Variants in NPSR1 observed in about 807,000 individuals in gnomAD.
The protein encoded by NPSR1 is neuropeptide S receptor 1.
NPSR1 carries 48 observed loss-of-function variants against 46.9 expected under a neutral mutation model. The ratio of observed to expected loss-of-function variants is 1.02; its 90% confidence interval spans 0.81 to 1.30. The LOEUF (loss-of-function observed/expected upper bound fraction) is 1.30, where lower values mean the gene tolerates loss of function less well. NPSR1 is among the 50% of genes most tolerant of loss of function. The pLI is 0.00. For synonymous variants in NPSR1, 176 were observed against 168.1 expected (o/e 1.05, Z -0.36); for missense variants, 450 against 449.5 (o/e 1.00, Z -0.01).
At chr7:34,821,210 C>G (rs546028147) in intron 4 of NPSR1, among the ~76,000 whole-genome samples, 1 of 146,240 alleles carries the variant, frequency 6.8e-6, no homozygotes, top group Admixed American at 6.9e-5. Flanking sequence ...TCTCAGCTCA[C>G]TGCAACTTCT....
At chr7:34,713,209 C>A (rs1021429259) in intron 2 of NPSR1, among the ~76,000 whole-genome samples, 4 of 152,146 alleles carry the variant, frequency 2.6e-5, no homozygotes, top group Non-Finnish European at 5.9e-5. Context: ...CCTGGAGGAA[C>A]AATAGAATAC....
chr7:34,849,473 C>T (rs940202719), intron 8 of NPSR1, 92 bp from the exon 9 acceptor site: 4 of 1,602,358 alleles, frequency 2.5e-6, no homozygotes, highest in Non-Finnish European at 3.4e-6. Context: ...ACATTTAATA[C>T]ATTTTTCATA....
intron 1 of NPSR1, among the ~76,000 whole-genome samples, chr7:34,662,900 AC>A (rs1394837368): frequency 1.3e-5 from 2 of 152,210 alleles, no homozygotes; most frequent in Non-Finnish European, 2.9e-5. Context: ...CATTACTAAT[AC>A]ATTTGATGGC....
At chr7:34,791,100 TATA>T (rs369323576) in intron 3 of NPSR1, among the ~76,000 whole-genome samples, 5,948 of 117,062 alleles carry the variant, frequency 0.051, 705 homozygotes, top group African/African-American at 0.18. Flanking sequence ...ATATATTATA[TATA>T]ATATGTTATA....
At chr7:34,784,066 T>C (rs1051102316) in intron 3 of NPSR1, among the ~76,000 whole-genome samples, 11 of 152,098 alleles carry the variant, frequency 7.2e-5, no homozygotes, top group African/African-American at 2.7e-4. Context: ...CATGAAAATA[T>C]ATAAAAGTGA....
exon 9 of NPSR1, chr7:34,878,087 T>C (rs201747549): frequency 4.4e-6 from 7 of 1,606,852 alleles, no homozygotes; most frequent in Non-Finnish European, 1.7e-6. Flanking sequence ...GTCATCCGTC[T>C]CCGTCAGCTC....
At chr7:34,742,880 T>C (rs1382886763) in intron 2 of NPSR1, among the ~76,000 whole-genome samples, 1 of 152,214 alleles carries the variant, frequency 6.6e-6, no homozygotes, top group Non-Finnish European at 1.5e-5. Context: ...TTCACTGTGA[T>C]TTTGATTTGT....
intron 2 of NPSR1, among the ~76,000 whole-genome samples, chr7:34,725,421 G>A (rs1016000485): frequency 1.3e-5 from 2 of 152,170 alleles, no homozygotes; most frequent in Non-Finnish European, 2.9e-5. Flanking sequence ...GGTAAGTGTT[G>A]GTTTTGAGAC....
At chr7:34,798,937 T>C (rs778109102) in intron 3 of NPSR1, among the ~76,000 whole-genome samples, 9 of 152,178 alleles carry the variant, frequency 5.9e-5, no homozygotes, top group Middle Eastern at 3.2e-3. Context: ...CATCATAGTT[T>C]GTAGGATGCA....
At chr7:34,669,325 G>A (rs1363567672) in intron 1 of NPSR1, among the ~76,000 whole-genome samples, 1 of 152,210 alleles carries the variant, frequency 6.6e-6, no homozygotes, top group Non-Finnish European at 1.5e-5. Flanking sequence ...CACTTTGGGA[G>A]ATCAAAGCGG....
At chr7:34,779,672 T>C (rs1206329253) in intron 3 of NPSR1, 1 of 831,572 alleles carries the variant, frequency 1.2e-6, no homozygotes, top group Non-Finnish European at 1.6e-6. Context: ...GTACGGCTAG[T>C]ATTTTCTCAG....
chr7:34,730,240 T>G (rs10240801), intron 2 of NPSR1, among the ~76,000 whole-genome samples: 163 of 152,362 alleles, frequency 1.1e-3, no homozygotes, highest in African/African-American at 3.8e-3. Context: ...ACCTAGGATT[T>G]TTTTAAGTGC....
At chr7:34,771,876 A>G (rs777601182) in intron 2 of NPSR1, among the ~76,000 whole-genome samples, 1 of 152,148 alleles carries the variant, frequency 6.6e-6, no homozygotes, top group Non-Finnish European at 1.5e-5. Context: ...CTTGCCAAGG[A>G]TATAATAACT....
chr7:34,834,043 TA>T, intron 5 of NPSR1: 1 of 314,206 alleles, frequency 3.2e-6, no homozygotes, highest in South Asian at 6.0e-5. Context: ...GTCAGGACTG[TA>T]CAACAGACAA....
At chr7:34,875,475 G>T (rs558750109) in intron 8 of NPSR1, among the ~76,000 whole-genome samples, 8 of 152,222 alleles carry the variant, frequency 5.3e-5, no homozygotes, top group African/African-American at 1.7e-4. Flanking sequence ...GAGATGGAAG[G>T]CTGCAAATTC....
At position 34,873,977 on chromosome 7, in the gene NPSR1, C is replaced by T. The variant is rs183726756; in HGVS notation, c.1026-4099C>T. 1.4e-3 allele frequency among the ~76,000 whole-genome samples: 217 copies of T among 151,786 alleles called. 4 individuals are homozygous for T. Among genetic ancestry groups the T allele is most frequent in the African/African-American group, 5.0e-3 (206 of 41,102 alleles). On this transcript the variant is annotated intron_variant, in intron 8 of 8. Coordinates refer to the NPSR1 transcript ENST00000359791. ...TCATTGATAACTAAAGTTATAACAACTCATACCTGTAAGGGCCATGGTGAG... is the reference window on the plus strand; with the variant it reads ...TCATTGATAACTAAAGTTATAACAATTCATACCTGTAAGGGCCATGGTGAG...
At chr7:34,778,105 C>T (rs1385642299) in intron 2 of NPSR1, among the ~76,000 whole-genome samples, 1 of 152,106 alleles carries the variant, frequency 6.6e-6, no homozygotes, top group Non-Finnish European at 1.5e-5. Context: ...TTTTGCTTTT[C>T]TCAATTTTGT....
chr7:34,711,037 G>T, intron 2 of NPSR1: 1 of 351,202 alleles, frequency 2.8e-6, no homozygotes, highest in South Asian at 2.7e-5. Flanking sequence ...TTGTCATCAG[G>T]ATCAGAGATA....
chr7:34,740,595 C>T (rs1287106246), intron 2 of NPSR1, among the ~76,000 whole-genome samples: 1 of 152,192 alleles, frequency 6.6e-6, no homozygotes, highest in African/African-American at 2.4e-5. Flanking sequence ...TCCTCTACCC[C>T]TGTATTTCAC....
Sources: allele counts gnomAD v4.1 joint callset (sites outside exome capture counted in the v4.1 genomes callset), GRCh38; gene constraint gnomAD v4.1.1; transcripts MANE v1.5; gene names NCBI Gene and HGNC (gene_info 2026-07-23, HGNC 2026-07-21).